The following THSD1 variants were observed in gnomAD, a reference collection of about 807,000 sequenced individuals.
The protein encoded by THSD1 is thrombospondin type 1 domain containing 1, also known as thrombospondin type-1 domain-containing protein 1.
Under a neutral mutation model 46.3 loss-of-function variants are expected in THSD1, and 34 were observed. The ratio of observed to expected loss-of-function variants is 0.74; its 90% CI spans 0.56 to 0.98. The LOEUF (loss-of-function observed/expected upper bound fraction) is 0.98. Among genes scored for constraint, THSD1 ranks in the 50% least tolerant of loss-of-function variants. The pLI, the probability that THSD1 is intolerant of heterozygous loss-of-function variation, is 0.00. For missense variants in THSD1, 1,023 were observed against 1,058.3 expected (o/e 0.97, Z 0.46); for synonymous variants, 407 against 416.5 (o/e 0.98, Z 0.28).
intron 3 of THSD1, among the ~76,000 whole-genome samples, chr13:52,396,284 G>A (rs1312845357): frequency 6.6e-6 from 1 of 152,186 alleles, no homozygotes; most frequent in Admixed American, 6.5e-5. Context: ...AGCACTTTGG[G>A]AGGCCGAGGC....
At chr13:52,386,426 T>C (rs1427173840) in intron 3 of THSD1, among the ~76,000 whole-genome samples, 1 of 152,068 alleles carries the variant, frequency 6.6e-6, no homozygotes, top group Non-Finnish European at 1.5e-5. Flanking sequence ...GCAGGACAAC[T>C]AACTGTGCTG....
rs754734193 is a variant in THSD1 at position 52,397,348 on chromosome 13, A to G, written c.905T>C (p.Ile302Thr). The change falls in exon 3 of 5, where the codon ATT (isoleucine) becomes ACT (threonine). Residue 302 changes from isoleucine (I) to threonine (T), a missense_variant. By Grantham distance (89) the Ile-to-Thr change is moderately conservative. Transcript: ENST00000258613. ...NSLPLGERRT[I>T]FNCTLFDMGK... ...CATGTCAAACAAAGTACAGTTAAAA[A>G]TTGTCCTCCTCTCTCCCAGGGGCAG... is the stretch of plus-strand genomic sequence containing the variant. 2 of 1,614,134 alleles carry G rather than the reference A, an allele frequency of 1.2e-6. No homozygotes were observed. Among genetic ancestry groups the G allele is most frequent in the Non-Finnish European group, 1.7e-6 (2 of 1,180,016 alleles).
chr13:52,395,812 T>C (rs1957805898), intron 3 of THSD1, among the ~76,000 whole-genome samples: 1 of 152,108 alleles, frequency 6.6e-6, no homozygotes, highest in Admixed American at 6.5e-5. Context: ...GAGCAAGACC[T>C]GGCCTGGGTG....
chr13:52,378,575 C>T lies in THSD1; in HGVS notation c.1395G>A (p.Glu465=). The change falls in exon 5 of 5, where the codon GAG becomes GAA. Residue 465 remains glutamate (E), a synonymous_variant. Coordinates refer to ENST00000258613, the MANE Select transcript of THSD1 (RefSeq NM_018676.4). The part of the protein sequence containing the change: ...HSPSFRKNSD[E]ENICELSEQR... ...GCTCGCTCAGCTCGCAGATATTCTC[C>T]TCGTCCGAGTTCTTCCGGAAGCTGG... The T allele has an allele frequency of 6.2e-7, 1 of 1,614,182 alleles. No individual in the cohort carries two copies. Among genetic ancestry groups the T allele is most frequent in the Non-Finnish European group, 8.5e-7 (1 of 1,180,042 alleles).
Position 52,397,956 on chromosome 13 carries a change from G to T in THSD1, c.297C>A (p.Tyr99Ter). The T allele has an allele frequency of 6.2e-7, 1 of 1,614,268 alleles. No homozygotes were observed. The highest frequency in any genetic ancestry group is 8.5e-7 in the Non-Finnish European group (1 of 1,180,052). ...TTGCTTCTGGAGTCATTGTGAACCA[G>T]TAGTCACCAGCCTCCTTGAAATAGA... is the stretch of plus-strand genomic sequence containing the variant. ...ECFYFKEAGD[Y>*]WFTMTPEATD... Residue 99 changes from tyrosine to a stop codon, truncating the protein, a stop_gained, in exon 3 of 5, where the codon TAC becomes TAA. Transcript: ENST00000258613. LOFTEE classifies it high-confidence loss of function.
chr13:52,378,145 G>C lies in THSD1; in HGVS notation c.1825C>G (p.Leu609Val), dbSNP rs372430110. ...GCACAACTGGCCTGAGTCACATTTA[G>C]ATCCAGCCTGGAGGGAGGCCTTTCC... The part of the protein sequence containing the change: ...AGERPPSRLD[L>V]NVTQASCAIS... Residue 609 changes from leucine (L) to valine (V), a missense_variant, in exon 5 of 5, where the codon CTA becomes GTA. Transcript: ENST00000258613. The C allele has an allele frequency of 1.9e-6, 3 of 1,614,212 alleles. No individual in the cohort carries two copies. The highest frequency in any genetic ancestry group is 1.6e-4 in the Middle Eastern group (1 of 6,062).
At chr13:52,379,661 A>G (rs9536045) in intron 4 of THSD1, among the ~76,000 whole-genome samples, 15,060 of 151,870 alleles carry the variant, frequency 0.099, 1,263 homozygotes, top group African/African-American at 0.23. Flanking sequence ...TTTTAGTAAA[A>G]ACAGGGTTTC....
chr13:52,386,017 A>G lies in THSD1; in HGVS notation c.1180+11T>C, dbSNP rs767209315. On this transcript the variant is annotated intron_variant, in intron 4 of 4. Coordinates refer to ENST00000258613, the MANE Select transcript of THSD1 (RefSeq NM_018676.4). ...TGAGGAGAGACTCCCGAAGGAAGCA[A>G]GAATACCTACCAGCACACTCCTCCA... 4 of 1,612,692 alleles carry G rather than the reference A, an allele frequency of 2.5e-6. No homozygotes were observed. In the Admixed American group the frequency reaches 5.0e-5, roughly 20 times the overall value.
chr13:52,401,768 G>C (rs1263943120), intron 2 of THSD1, among the ~76,000 whole-genome samples: 2 of 152,174 alleles, frequency 1.3e-5, no homozygotes, highest in African/African-American at 4.8e-5. Flanking sequence ...CATTACACAA[G>C]CCAGTGTCCT....
intron 3 of THSD1, among the ~76,000 whole-genome samples, chr13:52,392,502 T>C (rs920061705): frequency 2.6e-5 from 4 of 152,348 alleles, no homozygotes; most frequent in South Asian, 4.1e-4. Context: ...ATACTCCAAA[T>C]AGTCCTACTT....
chr13:52,404,773 T>C (rs1957894097), intron 1 of THSD1, among the ~76,000 whole-genome samples: 1 of 152,226 alleles, frequency 6.6e-6, no homozygotes, highest in South Asian at 2.1e-4. Flanking sequence ...TCAGATTTGT[T>C]TGCTTCCACG....
chr13:52,396,385 G>A (rs1957811307), intron 3 of THSD1, among the ~76,000 whole-genome samples: 1 of 152,144 alleles, frequency 6.6e-6, no homozygotes. Flanking sequence ...AGCCGGGCAT[G>A]GTGGTGGGCG....
chr13:52,393,964 T>C (rs1266316990), intron 3 of THSD1, among the ~76,000 whole-genome samples: 1 of 152,164 alleles, frequency 6.6e-6, no homozygotes, highest in Admixed American at 6.5e-5. Context: ...TCCAGGCATG[T>C]TTAGCTCCCC....
chr13:52,377,881 G>T lies in THSD1; in HGVS notation c.2089C>A (p.Pro697Thr). Residue 697 changes from proline (P) to threonine (T), a missense_variant, in exon 5 of 5, where the codon CCT becomes ACT. Physicochemically the swap from Pro to Thr is conservative, Grantham distance 38. This residue lies in a region of THSD1 where 578 missense variants were observed against 497.4 expected (regional missense o/e 1.16). Coordinates refer to ENST00000258613, the MANE Select transcript of THSD1 (RefSeq NM_018676.4). ...TCEQAEDRFRPQSRGAHLFPE... is the reference protein window; with the variant it reads ...TCEQAEDRFRTQSRGAHLFPE... ...AACAGGTGGGCACCTCGACTCTGAGGCCTAAATCTGTCCTCTGCCTGCTCG... is the reference window on the plus strand; with the variant it reads ...AACAGGTGGGCACCTCGACTCTGAGTCCTAAATCTGTCCTCTGCCTGCTCG... 6.2e-7 allele frequency: 1 copy of T among 1,614,192 alleles called. No homozygotes were observed. The highest frequency in any genetic ancestry group is 8.5e-7 in the Non-Finnish European group (1 of 1,180,024).
chr13:52,392,351 G>A (rs1282406633), intron 3 of THSD1, among the ~76,000 whole-genome samples: 2 of 152,078 alleles, frequency 1.3e-5, no homozygotes, highest in Admixed American at 1.3e-4. Flanking sequence ...AATTTAAGTA[G>A]GCAAATATTT....
rs755829813 is a variant in THSD1 at position 52,397,531 on chromosome 13, C to G, written c.722G>C (p.Gly241Ala). The change falls in exon 3 of 5, where the codon GGA becomes GCA. Residue 241 changes from glycine (G) to alanine (A), a missense_variant. Gly to Ala is a moderately conservative substitution (Grantham distance 60, BLOSUM62 0). Transcript: ENST00000258613. ...TTCTGGCACCATCACCAGTTTGTAT[C>G]CAAATTTCTGGGCCAGGTCAATGGG... ...TGPIDLAQKF[G>A]YKLVMVPELT... is the part of the protein sequence containing the mutation. 1.9e-6 allele frequency: 3 copies of G among 1,614,102 alleles called. No homozygotes were observed. The Admixed American group carries it at 5.0e-5, about 27-fold the overall frequency.
chr13:52,385,662 T>C (rs891281416), intron 4 of THSD1, among the ~76,000 whole-genome samples: 13 of 150,986 alleles, frequency 8.6e-5, no homozygotes, highest in African/African-American at 3.2e-4. Context: ...AAACTGTTTT[T>C]CCACAGTTTT....
chr13:52,390,364 A>G (rs1957764742), intron 3 of THSD1, among the ~76,000 whole-genome samples: 1 of 152,104 alleles, frequency 6.6e-6, no homozygotes, highest in Non-Finnish European at 1.5e-5. Flanking sequence ...CAAGTGGTGC[A>G]ATCTTTGGAG....
chr13:52,402,023 C>A (rs142018566), intron 2 of THSD1, among the ~76,000 whole-genome samples: 111 of 152,320 alleles, frequency 7.3e-4, no homozygotes, highest in African/African-American at 2.6e-3. Context: ...GGGTGTTTTG[C>A]ACTCTTGATA....
Sources: allele counts gnomAD v4.1 joint callset (sites outside exome capture counted in the v4.1 genomes callset), GRCh38; gene constraint gnomAD v4.1.1; regional missense constraint gnomAD v4.1.1; transcripts MANE v1.5; gene names NCBI Gene and HGNC (gene_info 2026-07-23, HGNC 2026-07-21).